LRRC7: variants seen among roughly 807,000 people sequenced by gnomAD.
LRRC7 encodes the protein leucine-rich repeat-containing protein 7.
LRRC7 carries 23 observed loss-of-function variants against 175.7 expected under a neutral mutation model. The ratio of observed to expected loss-of-function variants is 0.13; its 90% CI spans 0.09 to 0.19. LRRC7 has a LOEUF of 0.19. Among genes scored for constraint, LRRC7 ranks in the 10% least tolerant of loss-of-function variants. The pLI, the probability that LRRC7 is intolerant of heterozygous loss-of-function variation, is 1.00. For missense variants in LRRC7, 1,354 were observed against 1,904.7 expected (o/e 0.71, Z 5.38); for synonymous variants, 685 against 680.9 (o/e 1.01, Z -0.09).
intron 24 of LRRC7, among the ~76,000 whole-genome samples, chr1:70,083,641 T>G (rs959155546): frequency 1.3e-5 from 2 of 152,184 alleles, no homozygotes; most frequent in Non-Finnish European, 2.9e-5. Context: ...CTTGTTGACA[T>G]CTCATCCTGG....
chr1:69,619,671 G>A (rs1650244630), intron 1 of LRRC7, among the ~76,000 whole-genome samples: 1 of 152,076 alleles, frequency 6.6e-6, no homozygotes, highest in African/African-American at 2.4e-5. Flanking sequence ...CAAACAGAAG[G>A]TATTTGTGGC....
At chr1:70,113,045 G>A (rs1665624906) in intron 26 of LRRC7, among the ~76,000 whole-genome samples, 1 of 152,132 alleles carries the variant, frequency 6.6e-6, no homozygotes, top group South Asian at 2.1e-4. Flanking sequence ...GATGGCGATA[G>A]GGGGAGACAG....
chr1:69,594,716 A>G (rs573190572), intron 1 of LRRC7, among the ~76,000 whole-genome samples: 2 of 152,286 alleles, frequency 1.3e-5, no homozygotes, highest in South Asian at 4.1e-4. Flanking sequence ...TTCCAGTTGC[A>G]TCTTAACTGA....
chr1:70,018,854 A>G, intron 15 of LRRC7, 36 bp downstream of exon 15: 1 of 1,463,462 alleles, frequency 6.8e-7, no homozygotes, highest in Non-Finnish European at 9.6e-7. Context: ...TCTACTTATA[A>G]TGATTATGGA....
At chr1:69,710,402 C>G (rs536871340) in intron 2 of LRRC7, among the ~76,000 whole-genome samples, 1 of 152,186 alleles carries the variant, frequency 6.6e-6, no homozygotes, top group Admixed American at 6.5e-5. Context: ...GGGCTTCCTT[C>G]TCTTGCCAGC....
intron 13 of LRRC7, chr1:70,014,025 T>C (rs1436841305): frequency 1.3e-5 from 2 of 152,002 alleles, no homozygotes; most frequent in African/African-American, 2.4e-5. Context: ...TAAAACATTT[T>C]ATTAAAAAGT....
chr1:69,772,740 A>T (rs1189495812), intron 3 of LRRC7, among the ~76,000 whole-genome samples: 2 of 152,158 alleles, frequency 1.3e-5, no homozygotes, highest in African/African-American at 4.8e-5. Context: ...AATGAAATGG[A>T]TTTGGGAGAT....
At chr1:69,690,458 AACT>A (rs991850908) in intron 2 of LRRC7, among the ~76,000 whole-genome samples, 79 of 152,342 alleles carry the variant, frequency 5.2e-4, no homozygotes, top group African/African-American at 1.8e-3. Context: ...AGCAAATTTC[AACT>A]ACTACATATT....
rs1666240329 is a variant in LRRC7 at position 70,122,114 on chromosome 1, G to C, written c.*227G>C. 8.8e-6 allele frequency: 3 copies of C among 339,080 alleles called. No individual in the cohort carries two copies. Among genetic ancestry groups the C allele is most frequent in the Non-Finnish European group, 1.6e-5 (3 of 188,456 alleles). The allele number at this position is 339,080 out of a possible 1,614,324, so 21.0% of individuals were successfully genotyped here. A position where few individuals can be genotyped will look rare whatever the true frequency, so the allele number is the denominator to read the frequency against. On this transcript the variant is annotated 3_prime_UTR_variant, in exon 27 of 27. Transcript: ENST00000651989. ...AATTGTCAGCCTCTGGCTGTGCATT[G>C]GTGCAGTTTTGTTTCTGTTTTTGTT...
At chr1:69,619,113 G>T (rs1650152098) in intron 1 of LRRC7, among the ~76,000 whole-genome samples, 1 of 151,958 alleles carries the variant, frequency 6.6e-6, no homozygotes, top group Non-Finnish European at 1.5e-5. Context: ...TGAGGGCTTT[G>T]CTCCAATCCA....
intron 8 of LRRC7, among the ~76,000 whole-genome samples, chr1:69,969,524 A>T (rs1264321140): frequency 6.6e-6 from 1 of 152,176 alleles, no homozygotes; most frequent in Non-Finnish European, 1.5e-5. Flanking sequence ...GTATTAAAAA[A>T]AGAGAAAGAG....
chr1:69,701,735 T>C (rs1165259816), intron 2 of LRRC7, among the ~76,000 whole-genome samples: 1 of 152,236 alleles, frequency 6.6e-6, no homozygotes, highest in Non-Finnish European at 1.5e-5. Flanking sequence ...CATTCTAGCC[T>C]CTTTGGAAGA....
At chr1:69,782,622 A>G (rs1297840234) in intron 3 of LRRC7, among the ~76,000 whole-genome samples, 5 of 152,186 alleles carry the variant, frequency 3.3e-5, no homozygotes, top group African/African-American at 1.2e-4. Context: ...GGCCAGGGAA[A>G]AGGGAAATGG....
intron 3 of LRRC7, among the ~76,000 whole-genome samples, chr1:69,761,947 G>A (rs772819442): frequency 1.3e-4 from 20 of 151,746 alleles, no homozygotes; most frequent in African/African-American, 4.4e-4. Context: ...GGGGGGTGGC[G>A]GGTTTCTAGG....
At chr1:69,971,978 A>C (rs1652281859) in intron 8 of LRRC7, among the ~76,000 whole-genome samples, 1 of 152,226 alleles carries the variant, frequency 6.6e-6, no homozygotes, top group Non-Finnish European at 1.5e-5. Context: ...TCATACTTAC[A>C]GCCAACTGAT....
intron 1 of LRRC7, among the ~76,000 whole-genome samples, chr1:69,641,545 C>A (rs1654211336): frequency 6.6e-6 from 1 of 151,666 alleles, no homozygotes; most frequent in African/African-American, 2.4e-5. Flanking sequence ...ATTAAAATTA[C>A]AAGCTACTTA....
chr1:69,879,803 A>G (rs866495785), intron 7 of LRRC7: 2 of 152,236 alleles, frequency 1.3e-5, no homozygotes, highest in Non-Finnish European at 2.9e-5. Flanking sequence ...AGCAGGTCAA[A>G]ATTTCCATAC....
At chr1:69,672,912 A>C (rs922712624) in intron 1 of LRRC7, among the ~76,000 whole-genome samples, 5 of 152,194 alleles carry the variant, frequency 3.3e-5, no homozygotes, top group Non-Finnish European at 7.3e-5. Flanking sequence ...ACCTCCAGGC[A>C]ACTTGGCAAG....
At chr1:69,786,461 T>C (rs1402820276) in intron 3 of LRRC7, among the ~76,000 whole-genome samples, 2 of 152,126 alleles carry the variant, frequency 1.3e-5, no homozygotes, top group Non-Finnish European at 2.9e-5. Context: ...TCATCCCTCT[T>C]ATTTTTTCTT....
Sources: allele counts gnomAD v4.1 joint callset (sites outside exome capture counted in the v4.1 genomes callset), GRCh38; gene constraint gnomAD v4.1.1; transcripts MANE v1.5; gene names NCBI Gene and HGNC (gene_info 2026-07-23, HGNC 2026-07-21).